The following DAB1 variants were observed in gnomAD, a reference collection of about 807,000 sequenced individuals.
DAB1 encodes the protein DAB adaptor protein 1.
In DAB1, 15 loss-of-function variants were observed where a neutral mutation model predicts 64.6. The ratio of observed to expected loss-of-function variants is 0.23; its 90% confidence interval spans 0.16 to 0.36. The LOEUF (loss-of-function observed/expected upper bound fraction) is 0.36, where lower values mean the gene tolerates loss of function less well. DAB1 is among the 10% of genes least tolerant of loss of function. DAB1 has a pLI of 1.00. For missense variants in DAB1, 596 were observed against 706.7 expected (o/e 0.84, Z 1.78); for synonymous variants, 235 against 251.9 (o/e 0.93, Z 0.64).
chr1:57,758,589 C>G (rs1356503440), intron 6 of DAB1, among the ~76,000 whole-genome samples: 1 of 152,150 alleles, frequency 6.6e-6, no homozygotes, highest in Non-Finnish European at 1.5e-5. Context: ...GAGCAAAGGA[C>G]AGGTGGTATA....
intron 5 of DAB1, among the ~76,000 whole-genome samples, chr1:57,991,509 C>T (rs532685991): frequency 8.6e-5 from 13 of 151,988 alleles, no homozygotes; most frequent in South Asian, 2.1e-4. Context: ...CTGTGACTGC[C>T]GAAGCACAGA....
At chr1:57,458,841 A>C (rs1686687603) in intron 7 of DAB1, among the ~76,000 whole-genome samples, 1 of 152,126 alleles carries the variant, frequency 6.6e-6, no homozygotes, top group East Asian at 1.9e-4. Flanking sequence ...AATGTATCTA[A>C]GTAAAAGAAA....
chr1:57,328,782 T>G (rs1558176378), intron 1 of DAB1, among the ~76,000 whole-genome samples: 1 of 152,200 alleles, frequency 6.6e-6, no homozygotes, highest in East Asian at 1.9e-4. Flanking sequence ...TTAAAATTAC[T>G]GGCAAAAAAC....
intron 4 of DAB1, among the ~76,000 whole-genome samples, chr1:58,313,723 G>A (rs1662480276): frequency 6.6e-6 from 1 of 151,950 alleles, no homozygotes; most frequent in South Asian, 2.1e-4. Flanking sequence ...TACAATTCTG[G>A]AAGTTGGAAG....
intron 5 of DAB1, among the ~76,000 whole-genome samples, chr1:57,912,593 G>C (rs1644662679): frequency 6.6e-6 from 1 of 152,062 alleles, no homozygotes; most frequent in African/African-American, 2.4e-5. Flanking sequence ...TTCTGGCCAG[G>C]GCAATCAGGC....
At chr1:58,082,375 C>A (rs973535611) in intron 5 of DAB1, among the ~76,000 whole-genome samples, 1 of 150,824 alleles carries the variant, frequency 6.6e-6, no homozygotes, top group South Asian at 2.1e-4. Flanking sequence ...CATTAAATGA[C>A]TTATTACAGA....
At chr1:57,658,306 CTTTT>C (rs1165560066) in intron 6 of DAB1, among the ~76,000 whole-genome samples, 1 of 131,224 alleles carries the variant, frequency 7.6e-6, no homozygotes, top group Non-Finnish European at 1.6e-5. Context: ...CAATTTTGTT[CTTTT>C]TTTTTTTTTT....
chr1:58,333,724 A>G (rs893363584), intron 4 of DAB1, among the ~76,000 whole-genome samples: 1 of 152,220 alleles, frequency 6.6e-6, no homozygotes, highest in Admixed American at 6.5e-5. Context: ...TTATGAGTTG[A>G]TCTCAGTTTC....
intron 4 of DAB1, among the ~76,000 whole-genome samples, chr1:58,280,645 C>G (rs1410269414): frequency 6.6e-6 from 1 of 152,182 alleles, no homozygotes; most frequent in Non-Finnish European, 1.5e-5. Context: ...CTGGCACTTT[C>G]CAGCTACATC....
At chr1:57,349,999 A>G (rs958453256) in intron 1 of DAB1, among the ~76,000 whole-genome samples, 6 of 152,178 alleles carry the variant, frequency 3.9e-5, no homozygotes, top group African/African-American at 9.7e-5. Flanking sequence ...AAGCATTGCA[A>G]TTGGCACAGA....
At chr1:58,015,257 C>T (rs914447029) in intron 5 of DAB1, among the ~76,000 whole-genome samples, 4 of 152,176 alleles carry the variant, frequency 2.6e-5, no homozygotes, top group South Asian at 2.1e-4. Flanking sequence ...CCCATCTGGC[C>T]TTAGGCATCC....
intron 1 of DAB1, among the ~76,000 whole-genome samples, chr1:57,323,173 C>T (rs980855208): frequency 2.6e-5 from 4 of 152,100 alleles, no homozygotes; most frequent in African/African-American, 9.7e-5. Flanking sequence ...CTAGTCTTTC[C>T]TTCCTGTATG....
chr1:57,425,169 T>C (rs1340374464), upstream of DAB1, among the ~76,000 whole-genome samples: 6 of 152,102 alleles, frequency 3.9e-5, no homozygotes, highest in Non-Finnish European at 5.9e-5. Context: ...TCAAATCAAG[T>C]GCATAATATG....
At chr1:57,791,692 C>G (rs1650606008) in intron 6 of DAB1, among the ~76,000 whole-genome samples, 1 of 152,160 alleles carries the variant, frequency 6.6e-6, no homozygotes, top group South Asian at 2.1e-4. Flanking sequence ...TTCCCCACCT[C>G]CTGCATATCC....
chr1:57,082,117 T>C (rs556178231), intron 4 of DAB1, among the ~76,000 whole-genome samples: 3 of 152,302 alleles, frequency 2.0e-5, no homozygotes, highest in African/African-American at 7.2e-5. Flanking sequence ...TTAACCTATC[T>C]AGTGAGAGAA....
intron 10 of DAB1, 73 bp from the exon 11 acceptor site, chr1:57,023,712 G>A: frequency 1.0e-6 from 1 of 991,030 alleles, no homozygotes; most frequent in East Asian, 2.5e-5. Flanking sequence ...GGTAGCAGAT[G>A]CAGGAATTAA....
chr1:58,481,814 C>T (rs1489448959), intron 3 of DAB1, among the ~76,000 whole-genome samples: 7 of 152,154 alleles, frequency 4.6e-5, no homozygotes, highest in Non-Finnish European at 8.8e-5. Flanking sequence ...CCTGCATATG[C>T]TCTCTTGACT....
At chr1:57,634,752 A>C (rs1646031022) in intron 7 of DAB1, among the ~76,000 whole-genome samples, 1 of 152,218 alleles carries the variant, frequency 6.6e-6, no homozygotes, top group African/African-American at 2.4e-5. Context: ...TATTCAGGAG[A>C]TTATACTTCT....
chr1:57,860,067 G>C (rs1046748646), intron 1 of DAB1, among the ~76,000 whole-genome samples: 3 of 152,154 alleles, frequency 2.0e-5, no homozygotes, highest in Non-Finnish European at 4.4e-5. Context: ...ATAAACCAAA[G>C]AGAGGTTAAG....
Sources: allele counts gnomAD v4.1 joint callset (sites outside exome capture counted in the v4.1 genomes callset), GRCh38; gene constraint gnomAD v4.1.1; transcripts MANE v1.5; gene names NCBI Gene and HGNC (gene_info 2026-07-23, HGNC 2026-07-21).